Variants in DCHS2 observed in about 807,000 individuals in gnomAD.
The protein encoded by DCHS2 is protocadherin-23.
A neutral mutation model predicts 182.4 loss-of-function variants in DCHS2; 142 were observed. The observed-to-expected ratio is 0.78, with a 90% CI of 0.68 to 0.89. The LOEUF is 0.89. Among genes scored for constraint, DCHS2 ranks in the 40% least tolerant of loss-of-function variants. The pLI, the probability that DCHS2 is intolerant of heterozygous loss-of-function variation, is 0.00. For synonymous variants in DCHS2, 1,740 were observed against 1,663.3 expected (o/e 1.05, Z -1.12); for missense variants, 4,319 against 4,198.6 (o/e 1.03, Z -0.79).
intron 2 of DCHS2, among the ~76,000 whole-genome samples, chr4:154,373,122 C>T (rs1730720594): frequency 6.6e-6 from 1 of 152,120 alleles, no homozygotes; most frequent in African/African-American, 2.4e-5. Flanking sequence ...TCATTATGGC[C>T]TAGAATCCAA....
intron 13 of DCHS2, among the ~76,000 whole-genome samples, chr4:154,287,714 T>G (rs1225448504): frequency 6.6e-6 from 1 of 152,106 alleles, no homozygotes; most frequent in Non-Finnish European, 1.5e-5. Context: ...ACTCCTGGCC[T>G]CAAGTGATCC....
chr4:154,389,762 A>G (rs1418745687), intron 1 of DCHS2, among the ~76,000 whole-genome samples: 1 of 151,626 alleles, frequency 6.6e-6, no homozygotes, highest in Non-Finnish European at 1.5e-5. Flanking sequence ...CTCGAAAAAC[A>G]CACACACAAA....
intron 1 of DCHS2, among the ~76,000 whole-genome samples, chr4:154,480,083 TA>T (rs1332220302): frequency 6.6e-6 from 1 of 152,218 alleles, no homozygotes; most frequent in African/African-American, 2.4e-5. Flanking sequence ...CTTTACCTCA[TA>T]ACTTGGTTCT....
chr4:154,369,351 G>T (rs902913390), intron 2 of DCHS2, among the ~76,000 whole-genome samples: 1 of 152,188 alleles, frequency 6.6e-6, no homozygotes. Flanking sequence ...GAGTTCTGAG[G>T]TGTTCCCCAC....
chr4:154,434,059 G>A (rs576536232), intron 1 of DCHS2, among the ~76,000 whole-genome samples: 4 of 152,212 alleles, frequency 2.6e-5, no homozygotes, highest in Admixed American at 6.5e-5. Flanking sequence ...ATGGATAAAC[G>A]TCATGAAGTA....
intron 13 of DCHS2, among the ~76,000 whole-genome samples, chr4:154,273,989 G>T (rs1578894812): frequency 1.3e-5 from 2 of 152,256 alleles, no homozygotes; most frequent in East Asian, 3.9e-4. Flanking sequence ...ACATCTAAAA[G>T]GAACAGGAGC....
At position 154,231,824 on chromosome 4, in the gene DCHS2, T is replaced by C. The variant is rs1336524050; in HGVS notation, c.*2712A>G. 1 of 152,144 alleles carries C rather than the reference T, an allele frequency of 6.6e-6. No homozygotes were observed. The highest frequency in any genetic ancestry group is 1.9e-4 in the East Asian group (1 of 5,204). The allele number at this position is 152,144 out of a possible 1,614,324, so 9.4% of individuals were successfully genotyped here. Reference sequence around the variant, plus strand: ...GAATACATGGAGGCAGCCAGTAATGTAGAGTGCATTTTAATAATTTTTAAA... The same window carrying C: ...GAATACATGGAGGCAGCCAGTAATGCAGAGTGCATTTTAATAATTTTTAAA... On this transcript the variant is annotated 3_prime_UTR_variant, in exon 20 of 20. Coordinates refer to ENST00000357232, the MANE Select transcript of DCHS2 (RefSeq NM_001358235.2).
Position 154,298,268 on chromosome 4 carries a change from C to A in DCHS2, c.6046G>T (p.Gly2016Cys). ...SAVARDCSIQ[G>C]SRSTTVIIKV... ...ATAATTACAGTGGTGCTTCGTGAAC[C>A]CTGGATGCTACAGTCTCTGGCCACA... Residue 2016 changes from glycine to cysteine, a missense_variant, in exon 13 of 20, where the codon GGT (glycine) becomes TGT (cysteine). Transcript: ENST00000357232. 1.3e-5 allele frequency: 21 copies of A among 1,614,066 alleles called. No individual in the cohort carries two copies. Among genetic ancestry groups the A allele is most frequent in the Non-Finnish European group, 1.8e-5 (21 of 1,179,998 alleles).
At chr4:154,487,244 A>G (rs1396495635) in intron 1 of DCHS2, among the ~76,000 whole-genome samples, 1 of 152,192 alleles carries the variant, frequency 6.6e-6, no homozygotes, top group Non-Finnish European at 1.5e-5. Flanking sequence ...CATGGAAGAA[A>G]CTATCAGTGG....
At chr4:154,401,045 G>A (rs1169997111) in intron 1 of DCHS2, among the ~76,000 whole-genome samples, 1 of 152,120 alleles carries the variant, frequency 6.6e-6, no homozygotes. Flanking sequence ...CAGCCCAGAA[G>A]GCTTCCTTGT....
At chr4:154,304,568 G>C (rs1005129367) in intron 12 of DCHS2, 101 bp downstream of exon 12, 16 of 1,016,028 alleles carry the variant, frequency 1.6e-5, no homozygotes, top group Non-Finnish European at 2.1e-5. Context: ...GGGAGGTGAA[G>C]TTGCAGTGAG....
chr4:154,341,709 T>C (rs1729115836), intron 3 of DCHS2, among the ~76,000 whole-genome samples: 1 of 152,126 alleles, frequency 6.6e-6, no homozygotes, highest in South Asian at 2.1e-4. Flanking sequence ...AAAAAACCTG[T>C]CCATCAATTA....
chr4:154,297,795 C>A, intron 13 of DCHS2, 56 bp downstream of exon 13: 4 of 1,553,914 alleles, frequency 2.6e-6, no homozygotes, highest in Non-Finnish European at 3.5e-6. Flanking sequence ...AATCCGTACT[C>A]TTAAGCATTT....
Position 154,232,334 on chromosome 4 carries a change from G to A in DCHS2, c.*2202C>T, listed in dbSNP as rs1731235124. On this transcript the variant is annotated 3_prime_UTR_variant, in exon 20 of 20. Coordinates refer to ENST00000357232, the MANE Select transcript of DCHS2 (RefSeq NM_001358235.2). ...CATTCCCACTTGTAGTACTTGTTTGGTGGCATTGTGGCACTGGATACAGAC... is the reference window on the plus strand; with the variant it reads ...CATTCCCACTTGTAGTACTTGTTTGATGGCATTGTGGCACTGGATACAGAC... 4 of 152,194 alleles carry A rather than the reference G, an allele frequency of 2.6e-5. No homozygotes were observed. The highest frequency in any genetic ancestry group is 2.0e-4 in the Admixed American group (3 of 15,246). 9.4% of individuals were successfully genotyped at this position (152,194 alleles called of 1,614,324 possible).
chr4:154,406,914 T>G (rs1168882523), intron 1 of DCHS2, among the ~76,000 whole-genome samples: 1 of 152,202 alleles, frequency 6.6e-6, no homozygotes, highest in Non-Finnish European at 1.5e-5. Context: ...AATCTTCCCC[T>G]CCTTGGGGTC....
intron 13 of DCHS2, among the ~76,000 whole-genome samples, chr4:154,276,597 T>G (rs749114566): frequency 1.1e-4 from 17 of 152,170 alleles, no homozygotes; most frequent in Non-Finnish European, 1.8e-4. Flanking sequence ...TTTTCAAACA[T>G]TTGGATGATT....
At chr4:154,434,310 T>A (rs1733684205) in intron 1 of DCHS2, among the ~76,000 whole-genome samples, 2 of 152,128 alleles carry the variant, frequency 1.3e-5, no homozygotes, top group Non-Finnish European at 2.9e-5. Flanking sequence ...TAGCCCCAGC[T>A]CCTTGCGGGG....
intron 13 of DCHS2, among the ~76,000 whole-genome samples, chr4:154,285,145 A>G (rs556495169): frequency 3.3e-5 from 5 of 152,084 alleles, no homozygotes; most frequent in Admixed American, 6.5e-5. Flanking sequence ...GAAACCTGCT[A>G]TCTTTAAGGC....
intron 13 of DCHS2, among the ~76,000 whole-genome samples, chr4:154,286,040 TGGAA>T (rs1279585770): frequency 2.0e-5 from 3 of 152,002 alleles, no homozygotes; most frequent in Admixed American, 2.0e-4. Context: ...AGAATTTGTT[TGGAA>T]GGAAGGAAGA....
Sources: allele counts gnomAD v4.1 joint callset (sites outside exome capture counted in the v4.1 genomes callset), GRCh38; gene constraint gnomAD v4.1.1; transcripts MANE v1.5; gene names NCBI Gene and HGNC (gene_info 2026-07-23, HGNC 2026-07-21).